Variants in CYYR1 observed in about 807,000 individuals in gnomAD.
The protein encoded by CYYR1 is cysteine and tyrosine rich 1.
CYYR1 carries 14 observed loss-of-function variants against 15.2 expected under a neutral mutation model. The ratio of observed to expected loss-of-function variants is 0.92; its 90% CI spans 0.61 to 1.44. The LOEUF is 1.44. Ranked by LOEUF, CYYR1 falls within the 40% of genes most tolerant of loss-of-function variation. The pLI is 0.00. For missense variants in CYYR1, 228 were observed against 209.5 expected (o/e 1.09, Z -0.54); for synonymous variants, 80 against 77.4 (o/e 1.03, Z -0.18).
At position 26,520,111 on chromosome 21, in the gene CYYR1, G is replaced by GATATATAT. The variant is rs1491365888; in HGVS notation, c.177-39683_177-39682insATATATAT. 6.4e-3 allele frequency among the ~76,000 whole-genome samples: 532 copies of GATATATAT among 83,046 alleles called. 24 individuals carry two copies. Among genetic ancestry groups the GATATATAT allele is most frequent in the Middle Eastern group, 0.025 (4 of 162 alleles). The allele number at this position is 83,046 out of a possible 152,430, so 54.5% of individuals were successfully genotyped here. A position where few individuals can be genotyped will look rare whatever the true frequency, so the allele number is the denominator to read the frequency against. On this transcript the variant is annotated intron_variant, in intron 2 of 3. Transcript: ENST00000652641. The stretch of plus-strand genomic sequence containing the variant: ...TTTCTTCTTCTAAAAAAAAACCCAG[G>GATATATAT]AGATATATATATATATATATATATA...
At chr21:26,525,418 T>C (rs1255963110) in intron 2 of CYYR1, among the ~76,000 whole-genome samples, 2 of 152,166 alleles carry the variant, frequency 1.3e-5, no homozygotes, top group African/African-American at 4.8e-5. Flanking sequence ...GTGAGCGTGG[T>C]TCCAGCCCTC....
chr21:26,495,491 C>G (rs1425116348), intron 2 of CYYR1, among the ~76,000 whole-genome samples: 2 of 152,168 alleles, frequency 1.3e-5, no homozygotes, highest in Non-Finnish European at 2.9e-5. Flanking sequence ...CCTGTCACCT[C>G]CAACTGCATT....
intron 2 of CYYR1, among the ~76,000 whole-genome samples, chr21:26,515,082 CAGTGAATTAAT>C (rs1434509325): frequency 6.6e-6 from 1 of 152,206 alleles, no homozygotes; most frequent in Non-Finnish European, 1.5e-5. Context: ...ATCACTGGTT[CAGTGAATTAAT>C]AACTCATGCA....
At chr21:26,526,343 G>C (rs2065865319) in intron 2 of CYYR1, among the ~76,000 whole-genome samples, 1 of 152,070 alleles carries the variant, frequency 6.6e-6, no homozygotes. Context: ...AGCTACTCGG[G>C]AGGCTGAGGC....
intron 2 of CYYR1, among the ~76,000 whole-genome samples, chr21:26,537,384 T>C (rs2830274): frequency 0.27 from 40,321 of 151,980 alleles, 5,454 homozygotes; most frequent in African/African-American, 0.32. Flanking sequence ...GGGAGGTAGA[T>C]GGTGGAGAGT....
At chr21:26,538,280 TTCC>T (rs1451680047) in intron 2 of CYYR1, among the ~76,000 whole-genome samples, 1 of 152,184 alleles carries the variant, frequency 6.6e-6, no homozygotes, top group Non-Finnish European at 1.5e-5. Context: ...GTGGATAAAA[TTCC>T]ACTTCCAATC....
intron 2 of CYYR1, among the ~76,000 whole-genome samples, chr21:26,497,389 T>C (rs2065421119): frequency 6.6e-6 from 1 of 152,184 alleles, no homozygotes; most frequent in Admixed American, 6.5e-5. Context: ...TTAACAAGAA[T>C]TTGGATTTCA....
rs2064987082 is a variant in CYYR1, at chr21:26,467,829, A to G, written c.*672T>C. Reference sequence around the variant, plus strand: ...TCCTGGACATATAGAAATTCACTTCACACCCACCTAAAATACGAGCAGAAC... The same window carrying G: ...TCCTGGACATATAGAAATTCACTTCGCACCCACCTAAAATACGAGCAGAAC... On this transcript the variant is annotated 3_prime_UTR_variant, in exon 4 of 4. Transcript: ENST00000652641. 6.5e-6 allele frequency: 1 copy of G among 153,746 alleles called. No homozygotes were observed. The highest frequency in any genetic ancestry group is 1.4e-5 in the Non-Finnish European group (1 of 69,118). The allele number at this position is 153,746 out of a possible 1,614,324, so 9.5% of individuals were successfully genotyped here. A position where few individuals can be genotyped will look rare whatever the true frequency, so the allele number is the denominator to read the frequency against.
At chr21:26,512,519 T>C (rs1192689744) in intron 2 of CYYR1, among the ~76,000 whole-genome samples, 3 of 152,066 alleles carry the variant, frequency 2.0e-5, no homozygotes, top group Admixed American at 2.0e-4. Flanking sequence ...CTTTATCAGG[T>C]GTCAGCACGC....
intron 2 of CYYR1, among the ~76,000 whole-genome samples, chr21:26,556,883 C>T (rs2830280): frequency 0.078 from 11,896 of 152,068 alleles, 1,607 homozygotes; most frequent in African/African-American, 0.27. Flanking sequence ...GGAATCAAAT[C>T]CAGATATAGT....
chr21:26,523,152 CAT>C (rs1369550444), intron 2 of CYYR1, among the ~76,000 whole-genome samples: 2 of 152,176 alleles, frequency 1.3e-5, no homozygotes, highest in Admixed American at 6.5e-5. Flanking sequence ...GAATTAATAA[CAT>C]AATATAGTTC....
At chr21:26,491,471 T>G (rs939279980) in intron 2 of CYYR1, among the ~76,000 whole-genome samples, 1 of 152,198 alleles carries the variant, frequency 6.6e-6, no homozygotes, top group African/African-American at 2.4e-5. Flanking sequence ...GAATGCGATA[T>G]GAAAATTCAG....
At chr21:26,515,592 G>C (rs958411341) in intron 2 of CYYR1, among the ~76,000 whole-genome samples, 4 of 152,002 alleles carry the variant, frequency 2.6e-5, no homozygotes, top group African/African-American at 9.7e-5. Flanking sequence ...GAACTCCTGA[G>C]TTCAAGTGAT....
Position 26,564,282 on chromosome 21 carries a change from C to T in CYYR1, c.176+1984G>A, listed in dbSNP as rs963090312. ...TATTCTCTTTTATCAAGTGGGAAAA[C>T]GCTTTAAAGTATCCCCCCACCACTG... On this transcript the variant is annotated intron_variant, in intron 2 of 3. Coordinates refer to ENST00000652641, the MANE Select transcript of CYYR1 (RefSeq NM_001320768.2). Among the ~76,000 whole-genome samples, 6 of 152,006 alleles carry T rather than the reference C, an allele frequency of 3.9e-5. No individual in the cohort carries two copies. The East Asian group carries it at 5.8e-4, about 15-fold the overall frequency.
At chr21:26,482,534 C>T (rs1272298259) in intron 2 of CYYR1, 1 of 984,832 alleles carries the variant, frequency 1.0e-6, no homozygotes, top group Non-Finnish European at 1.2e-6. Flanking sequence ...CCAATTCTTG[C>T]TAATTCTTGG....
chr21:26,527,717 T>G (rs1465904867), intron 2 of CYYR1, among the ~76,000 whole-genome samples: 1 of 152,212 alleles, frequency 6.6e-6, no homozygotes, highest in East Asian at 1.9e-4. Flanking sequence ...TAAAGAGTAC[T>G]GCTGCCAAAT....
intron 2 of CYYR1, among the ~76,000 whole-genome samples, chr21:26,519,294 A>G (rs1288763346): frequency 6.6e-6 from 1 of 152,240 alleles, no homozygotes; most frequent in Non-Finnish European, 1.5e-5. Flanking sequence ...AAAATTGTAC[A>G]AAGTATAAAA....
chr21:26,507,443 G>A (rs1340321399), intron 2 of CYYR1, among the ~76,000 whole-genome samples: 1 of 152,110 alleles, frequency 6.6e-6, no homozygotes, highest in Non-Finnish European at 1.5e-5. Flanking sequence ...TTTAGAATAT[G>A]TTCTCTTTAA....
intron 2 of CYYR1, among the ~76,000 whole-genome samples, chr21:26,490,309 A>T (rs915534212): frequency 2.0e-4 from 30 of 151,910 alleles, no homozygotes; most frequent in Non-Finnish European, 2.6e-4. Context: ...CAAAAAATTT[A>T]AAAAAAATAT....
Sources: allele counts gnomAD v4.1 joint callset (sites outside exome capture counted in the v4.1 genomes callset), GRCh38; gene constraint gnomAD v4.1.1; transcripts MANE v1.5; gene names NCBI Gene and HGNC (gene_info 2026-07-23, HGNC 2026-07-21).